GALNT14: variants seen among roughly 807,000 people sequenced by gnomAD.
GALNT14 encodes the protein polypeptide N-acetylgalactosaminyltransferase 14.
A neutral mutation model predicts 77.5 loss-of-function variants in GALNT14; 60 were observed. The observed-to-expected ratio is 0.77, with a 90% CI of 0.63 to 0.96. The LOEUF (loss-of-function observed/expected upper bound fraction) is 0.96, where lower values mean the gene tolerates loss of function less well. Among genes scored for constraint, GALNT14 ranks in the 40% least tolerant of loss-of-function variants. The probability of loss-of-function intolerance (pLI) is 0.00; values close to 1 mark genes in which losing one functional copy is unlikely to be tolerated. For synonymous variants in GALNT14, 280 were observed against 281.7 expected, an observed-to-expected ratio of 0.99 and a Z score of 0.06; for missense variants, 710 against 731.0, an observed-to-expected ratio of 0.97 and a Z score of 0.33.
At chr2:31,106,354 C>T (rs139714056) in intron 1 of GALNT14, among the ~76,000 whole-genome samples, 3 of 152,238 alleles carry the variant, frequency 2.0e-5, no homozygotes, top group African/African-American at 7.2e-5. Flanking sequence ...TGCTGGCTCT[C>T]CACTGCCTGT....
chr2:31,060,933 A>G (rs1222736000), intron 1 of GALNT14, among the ~76,000 whole-genome samples: 1 of 152,108 alleles, frequency 6.6e-6, no homozygotes, highest in Non-Finnish European at 1.5e-5. Flanking sequence ...TCTGATTGGC[A>G]CACTTTCTTC....
At chr2:31,076,786 T>A (rs1675825388) in intron 1 of GALNT14, among the ~76,000 whole-genome samples, 1 of 152,114 alleles carries the variant, frequency 6.6e-6, no homozygotes, top group South Asian at 2.1e-4. Flanking sequence ...TCACCCAAAC[T>A]GGAACACTTT....
chr2:31,047,081 C>T (rs934872598), intron 1 of GALNT14, among the ~76,000 whole-genome samples: 1 of 152,112 alleles, frequency 6.6e-6, no homozygotes, highest in African/African-American at 2.4e-5. Flanking sequence ...TCACCTTCCC[C>T]ACAGAACCCT....
In GALNT14 at chr2:30,945,807, C is replaced by T. The variant is rs540890299; in HGVS notation, c.718G>A (p.Glu240Lys). 4 of 1,614,102 alleles carry T rather than the reference C, an allele frequency of 2.5e-6. No homozygotes were observed. The highest frequency in any genetic ancestry group is 2.7e-5 in the African/African-American group (2 of 75,022). The change falls in exon 7 of 15, where the codon GAG becomes AAG. Residue 240 changes from glutamate (E) to lysine (K), a missense_variant. Coordinates refer to ENST00000349752, the MANE Select transcript of GALNT14 (RefSeq NM_024572.4). ...CCCCCTCTGAGCTCCGAGGCAGACT[C>T]GATGTAGGTGAAGGTGTCCAGGTTA... Reference protein sequence around the residue: ...IINLDTFTYIESASELRGGFD... With the variant: ...IINLDTFTYIKSASELRGGFD...
intron 1 of GALNT14, among the ~76,000 whole-genome samples, chr2:31,080,637 G>A (rs937067060): frequency 2.6e-5 from 4 of 152,194 alleles, no homozygotes; most frequent in African/African-American, 9.7e-5. Flanking sequence ...AAAACCCCCT[G>A]TTCTGGGAGT....
intron 1 of GALNT14, among the ~76,000 whole-genome samples, chr2:31,106,236 G>C (rs556467636): frequency 6.6e-6 from 1 of 152,292 alleles, no homozygotes; most frequent in South Asian, 2.1e-4. Flanking sequence ...TTTAGATCAT[G>C]AAAGCCTTCC....
intron 1 of GALNT14, among the ~76,000 whole-genome samples, chr2:31,023,483 C>A (rs879118872): frequency 6.6e-6 from 1 of 152,106 alleles, no homozygotes; most frequent in Non-Finnish European, 1.5e-5. Context: ...CTCCCCTCAG[C>A]CCCAGAACCC....
chr2:30,945,823 G>A lies in GALNT14; in HGVS notation c.702C>T (p.Asp234=), dbSNP rs773499961. The A allele has an allele frequency of 1.5e-5, 25 of 1,614,156 alleles. No individual in the cohort carries two copies. Among genetic ancestry groups the A allele is most frequent in the Non-Finnish European group, 2.0e-5 (24 of 1,180,032 alleles). Residue 234 remains aspartate, a synonymous_variant, in exon 7 of 15, where the codon GAC becomes GAT. Transcript: ENST00000349752. Reference sequence around the variant, plus strand: ...AGGCAGACTCGATGTAGGTGAAGGTGTCCAGGTTAATGATATCGATCACAG... The same window carrying A: ...AGGCAGACTCGATGTAGGTGAAGGTATCCAGGTTAATGATATCGATCACAG... ...VCPVIDIINL[D]TFTYIESASE... is the part of the protein sequence containing the mutation.
intron 1 of GALNT14, among the ~76,000 whole-genome samples, chr2:31,074,265 A>T (rs766972692): frequency 1.3e-5 from 2 of 152,134 alleles, no homozygotes; most frequent in South Asian, 2.1e-4. Flanking sequence ...CTGACCTTGG[A>T]GAAGTCACTT....
Position 30,932,616 on chromosome 2 carries a change from A to C in GALNT14, c.932-422T>G, listed in dbSNP as rs536713277. Among the ~76,000 whole-genome samples, 118 of 152,338 alleles carry C rather than the reference A, an allele frequency of 7.7e-4. 2 individuals are homozygous for C. The highest frequency in any genetic ancestry group is 2.8e-3 in the African/African-American group (115 of 41,574). The stretch of plus-strand genomic sequence containing the variant: ...AGGGTTAGAGTCAGGACCAAGGAGA[A>C]AGAAATTTCAATCGAGAATACGGGA... On this transcript the variant is annotated intron_variant, in intron 9 of 14. Coordinates refer to ENST00000349752, the MANE Select transcript of GALNT14 (RefSeq NM_024572.4).
At chr2:30,973,003 A>G (rs908040731) in intron 2 of GALNT14, among the ~76,000 whole-genome samples, 1 of 152,250 alleles carries the variant, frequency 6.6e-6, no homozygotes, top group Non-Finnish European at 1.5e-5. Context: ...CTAAATAGAA[A>G]TTAGGATTTC....
At chr2:31,007,456 T>A (rs1670750604) in intron 1 of GALNT14, among the ~76,000 whole-genome samples, 1 of 152,156 alleles carries the variant, frequency 6.6e-6, no homozygotes, top group East Asian at 1.9e-4. Context: ...CACCAATCAT[T>A]CTTGTCCATT....
intron 1 of GALNT14, among the ~76,000 whole-genome samples, chr2:31,020,432 C>G (rs1315390560): frequency 6.6e-6 from 1 of 152,188 alleles, no homozygotes; most frequent in Non-Finnish European, 1.5e-5. Flanking sequence ...CCTGGTCCCC[C>G]TCAGGAAAGT....
chr2:30,990,803 G>C (rs1669650982), intron 2 of GALNT14, among the ~76,000 whole-genome samples: 1 of 152,130 alleles, frequency 6.6e-6, no homozygotes, highest in Admixed American at 6.5e-5. Context: ...GCTCCCACAG[G>C]GCAAGGCTCG....
At chr2:30,890,433 T>A in the GALNT14 span, among the ~76,000 whole-genome samples, 1 of 152,204 alleles carries the variant, frequency 6.6e-6, no homozygotes, top group Admixed American at 6.5e-5. Flanking sequence ...GAAATGGGGA[T>A]AATCATGTCT....
At chr2:31,061,353 A>G (rs1352496020) in intron 1 of GALNT14, among the ~76,000 whole-genome samples, 1 of 152,058 alleles carries the variant, frequency 6.6e-6, no homozygotes, top group Non-Finnish European at 1.5e-5. Flanking sequence ...TATTAATTTT[A>G]CTTCCAAAAT....
At chr2:31,096,516 G>A (rs1390610636) in intron 1 of GALNT14, among the ~76,000 whole-genome samples, 3 of 152,096 alleles carry the variant, frequency 2.0e-5, no homozygotes, top group Non-Finnish European at 4.4e-5. Context: ...ATTAAAAGAT[G>A]AGCCTCTGTC....
At chr2:31,111,106 G>A (rs140623365) in intron 1 of GALNT14, among the ~76,000 whole-genome samples, 6 of 152,306 alleles carry the variant, frequency 3.9e-5, no homozygotes, top group African/African-American at 1.4e-4. Context: ...GCTGGAATGA[G>A]GCAGAGAACA....
Position 30,944,954 on chromosome 2 carries a change from C to A in GALNT14, c.743-12G>T. On this transcript the variant is annotated splice_polypyrimidine_tract_variant and intron_variant, in intron 7 of 14. Coordinates refer to ENST00000349752, the MANE Select transcript of GALNT14 (RefSeq NM_024572.4). Reference sequence around the variant, plus strand: ...GCTCCAGTCAAACCCTACAACACAGCACCAACCCACCTGCTTTGGTCTCTC... The same window carrying A: ...GCTCCAGTCAAACCCTACAACACAGAACCAACCCACCTGCTTTGGTCTCTC... The A allele has an allele frequency of 6.3e-7, 1 of 1,589,676 alleles. No homozygotes were observed. The highest frequency in any genetic ancestry group is 8.6e-7 in the Non-Finnish European group (1 of 1,165,062).
Sources: gnomAD v4.1 joint callset for allele counts (sites outside exome capture counted in the v4.1 genomes callset) on GRCh38, gnomAD v4.1.1 for gene constraint, MANE v1.5 for transcripts, NCBI Gene and HGNC (gene_info 2026-07-23, HGNC 2026-07-21) for gene names.